CNTN1: variants seen among roughly 807,000 people sequenced by gnomAD.
CNTN1 encodes contactin-1.
Under a neutral mutation model 126.4 loss-of-function variants are expected in CNTN1, and 38 were observed. The ratio of observed to expected loss-of-function variants is 0.30; its 90% CI spans 0.23 to 0.39. The LOEUF (loss-of-function observed/expected upper bound fraction) is 0.39. CNTN1 is among the 10% of genes least tolerant of loss of function. CNTN1 has a pLI of 1.00. For synonymous variants in CNTN1, 413 were observed against 422.6 expected (o/e 0.98, Z 0.28); for missense variants, 1,009 against 1,248.4 (o/e 0.81, Z 2.89).
Position 40,932,412 on chromosome 12 carries a change from C to A in CNTN1, c.704-1049C>A, listed in dbSNP as rs138161283. 5.3e-3 allele frequency among the ~76,000 whole-genome samples: 803 copies of A among 152,102 alleles called. 5 individuals carry two copies. Among genetic ancestry groups the A allele is most frequent in the African/African-American group, 0.017 (709 of 41,512 alleles). ...TGATTATGAGGCCTACCCAGTTATG[C>A]AGAACTGTGAGTCAATTAAACCTCT... On this transcript the variant is annotated intron_variant, in intron 7 of 23. Transcript: ENST00000551295.
At chr12:40,949,237 T>G (rs1946563476) in intron 14 of CNTN1, among the ~76,000 whole-genome samples, 2 of 151,762 alleles carry the variant, frequency 1.3e-5, no homozygotes, top group Admixed American at 1.3e-4. Context: ...TCTTTTATTT[T>G]TATTTACATT....
chr12:40,963,184 G>A (rs1307255722), intron 15 of CNTN1, among the ~76,000 whole-genome samples: 4 of 152,060 alleles, frequency 2.6e-5, no homozygotes, highest in African/African-American at 9.7e-5. Flanking sequence ...CACTTTGGGA[G>A]GCCAAGGAGT....
At chr12:40,951,714 TTAA>T (rs1314323279) in intron 14 of CNTN1, among the ~76,000 whole-genome samples, 11 of 79,626 alleles carry the variant, frequency 1.4e-4, no homozygotes, top group African/African-American at 6.5e-4. Flanking sequence ...GTCTCAAAAT[TTAA>T]AAAAAAAAAA....
At chr12:40,797,933 A>G (rs1940504456) in intron 1 of CNTN1, among the ~76,000 whole-genome samples, 1 of 152,180 alleles carries the variant, frequency 6.6e-6, no homozygotes, top group East Asian at 1.9e-4. Flanking sequence ...AAATGTCAAG[A>G]GTTCAATTGT....
intron 23 of CNTN1, among the ~76,000 whole-genome samples, chr12:41,032,210 A>C (rs546453927): frequency 1.1e-4 from 17 of 152,252 alleles, no homozygotes; most frequent in African/African-American, 4.1e-4. Flanking sequence ...TCTATGCAAT[A>C]GACAGGGGGG....
In CNTN1 at chr12:40,959,009, A is replaced by G. The variant is rs1947004191; in HGVS notation, c.1684-105A>G. The stretch of plus-strand genomic sequence containing the variant: ...TAGCATGTCTAAAACACATTCTTTA[A>G]GTGGTGTTCATTTTGTTAGGGGAAA... On this transcript the variant is annotated intron_variant, in intron 14 of 23. Coordinates refer to ENST00000551295, the MANE Select transcript of CNTN1 (RefSeq NM_001843.4). The G allele has an allele frequency of 1.7e-5, 23 of 1,322,124 alleles. 1 individual carries two copies. In the South Asian group the frequency reaches 2.8e-4, roughly 16 times the overall value. 81.9% of individuals were successfully genotyped at this position (1,322,124 alleles called of 1,614,324 possible).
intron 18 of CNTN1, among the ~76,000 whole-genome samples, chr12:41,016,399 C>T (rs186328542): frequency 8.9e-4 from 136 of 152,130 alleles, no homozygotes; most frequent in Admixed American, 4.6e-3. Flanking sequence ...GGAGGAGTCA[C>T]ATAACATCTA....
At chr12:41,054,095 G>T (rs1011785558) in intron 23 of CNTN1, among the ~76,000 whole-genome samples, 1 of 151,724 alleles carries the variant, frequency 6.6e-6, no homozygotes, top group African/African-American at 2.4e-5. Flanking sequence ...TCAAATTAAA[G>T]TGAAAATGAG....
intron 1 of CNTN1, among the ~76,000 whole-genome samples, chr12:40,823,469 G>C (rs1941513553): frequency 6.6e-6 from 1 of 152,132 alleles, no homozygotes; most frequent in Non-Finnish European, 1.5e-5. Flanking sequence ...ACTAATAAGG[G>C]CTTTGTGATG....
chr12:40,751,162 G>A (rs1260710971), intron 1 of CNTN1, among the ~76,000 whole-genome samples: 2 of 152,048 alleles, frequency 1.3e-5, no homozygotes, highest in African/African-American at 4.8e-5. Flanking sequence ...TTTAAAGTTA[G>A]GAAGTTATTG....
intron 16 of CNTN1, among the ~76,000 whole-genome samples, chr12:40,983,478 T>TGTGTGTGTGTGTGTGA (rs1250830798): frequency 6.6e-6 from 1 of 151,774 alleles, no homozygotes; most frequent in Non-Finnish European, 1.5e-5. Context: ...CGTGTGTGTG[T>TGTGTGTGTGTGTGTGA]GTGTGTGTGT....
intron 1 of CNTN1, among the ~76,000 whole-genome samples, chr12:40,823,380 G>T (rs561373306): frequency 1.3e-5 from 2 of 152,102 alleles, no homozygotes; most frequent in Non-Finnish European, 2.9e-5. Flanking sequence ...ATTGGTTCAC[G>T]GTTGTATGAC....
rs1948979426 is a variant in CNTN1, at chr12:41,023,803, G to C, written c.2524-1347G>C. Among the ~76,000 whole-genome samples, 5 of 152,136 alleles carry C rather than the reference G, an allele frequency of 3.3e-5. No homozygotes were observed. The South Asian group carries it at 1.0e-3, about 32-fold the overall frequency. ...TATTTTGGAGAAGACATCCGTTTTG[G>C]TCTGAATCTCTTTGAAACAGAGCCT... is the stretch of plus-strand genomic sequence containing the variant. On this transcript the variant is annotated intron_variant, in intron 20 of 23. Transcript: ENST00000551295.
chr12:40,743,755 A>T (rs1938048730), intron 1 of CNTN1, among the ~76,000 whole-genome samples: 1 of 151,958 alleles, frequency 6.6e-6, no homozygotes, highest in Non-Finnish European at 1.5e-5. Context: ...TGCTTTAATG[A>T]TAGTTTGTTT....
chr12:40,831,023 T>C (rs926987348), intron 1 of CNTN1, among the ~76,000 whole-genome samples: 55 of 143,046 alleles, frequency 3.8e-4, no homozygotes, highest in African/African-American at 1.3e-3. Flanking sequence ...TATAGTATAG[T>C]ATATATATTT....
At chr12:41,062,940 A>T (rs1949967945) in intron 23 of CNTN1, among the ~76,000 whole-genome samples, 1 of 152,230 alleles carries the variant, frequency 6.6e-6, no homozygotes, top group Non-Finnish European at 1.5e-5. Flanking sequence ...CACCAGTAAA[A>T]GAACCCCAGA....
At chr12:40,787,954 T>C (rs1205937535) in intron 1 of CNTN1, among the ~76,000 whole-genome samples, 1 of 152,168 alleles carries the variant, frequency 6.6e-6, no homozygotes, top group East Asian at 1.9e-4. Flanking sequence ...GTTTGAACCC[T>C]GGCTTTGCAA....
chr12:41,023,610 G>A (rs1794911523), intron 20 of CNTN1, among the ~76,000 whole-genome samples: 1 of 152,070 alleles, frequency 6.6e-6, no homozygotes, highest in South Asian at 2.1e-4. Context: ...TAGGCTACCA[G>A]GAATAATGAA....
chr12:41,006,486 G>A (rs1337285495), intron 17 of CNTN1, among the ~76,000 whole-genome samples: 1 of 152,198 alleles, frequency 6.6e-6, no homozygotes, highest in African/African-American at 2.4e-5. Flanking sequence ...GAAAAGTCTG[G>A]ATGTCTTCTC....
Sources: allele counts gnomAD v4.1 joint callset (sites outside exome capture counted in the v4.1 genomes callset), GRCh38; gene constraint gnomAD v4.1.1; transcripts MANE v1.5; gene names NCBI Gene and HGNC (gene_info 2026-07-23, HGNC 2026-07-21).